Variants in NCL observed in about 807,000 individuals in gnomAD.
NCL encodes nucleolin multifunctional protein.
Under a neutral mutation model 77.7 loss-of-function variants are expected in NCL, and 4 were observed. That is an observed-to-expected ratio of 0.05 (90% confidence interval 0.03 to 0.12). The LOEUF is 0.12. NCL is among the 10% of genes least tolerant of loss of function. The pLI, the probability that NCL is intolerant of heterozygous loss-of-function variation, is 1.00. For missense variants in NCL, 763 were observed against 860.9 expected (o/e 0.89, Z 1.42); for synonymous variants, 344 against 297.8 (o/e 1.16, Z -1.60).
At position 231,463,314 on chromosome 2, in the gene NCL, T is replaced by A. The variant is rs770870458; in HGVS notation, c.21A>T (p.Ala7=). Residue 7 remains alanine, a splice_region_variant and synonymous_variant, in exon 2 of 14, where the codon GCA becomes GCT. Coordinates refer to ENST00000322723, the MANE Select transcript of NCL (RefSeq NM_005381.3). ...TCTTGGGGTCACCTTGATTTTTACC[T>A]GCCTAAAATGGACACAAATAGATCA... MVKLAK[A]GKNQGDPKKM... is the part of the protein sequence containing the mutation. 1.9e-6 allele frequency: 3 copies of A among 1,589,446 alleles called. No individual in the cohort carries two copies. Among genetic ancestry groups the A allele is most frequent in the African/African-American group, 1.3e-5 (1 of 74,272 alleles).
chr2:231,453,568 G>C lies in NCL; in HGVS notation c.*1623C>G, dbSNP rs1206705139. 1.3e-5 allele frequency: 2 copies of C among 157,126 alleles called. No individual in the cohort carries two copies. Among genetic ancestry groups the C allele is most frequent in the African/African-American group, 4.8e-5 (2 of 41,634 alleles). 9.7% of individuals were successfully genotyped at this position (157,126 alleles called of 1,614,324 possible). A position where few individuals can be genotyped will look rare whatever the true frequency, so the allele number is the denominator to read the frequency against. On this transcript the variant is annotated 3_prime_UTR_variant, in exon 14 of 14. Coordinates refer to ENST00000322723, the MANE Select transcript of NCL (RefSeq NM_005381.3). ...AACTGAGCTTTTAATTCCTTATCCA[G>C]AATACAGGCTGCAAGGCCTTCCTTT...
chr2:231,456,496 T>C (rs775883505), intron 11 of NCL, 135 bp downstream of exon 11: 2 of 1,372,840 alleles, frequency 1.5e-6, no homozygotes, highest in East Asian at 4.6e-5. Context: ...TCATCAATTA[T>C]TTCTCAGGTA....
In NCL at chr2:231,453,564, T is replaced by A. The variant is rs1259458769; in HGVS notation, c.*1627A>T. ...AATTAACTGAGCTTTTAATTCCTTA[T>A]CCAGAATACAGGCTGCAAGGCCTTC... On this transcript the variant is annotated 3_prime_UTR_variant, in exon 14 of 14. Coordinates refer to ENST00000322723, the MANE Select transcript of NCL (RefSeq NM_005381.3). 6.3e-6 allele frequency: 1 copy of A among 157,660 alleles called. No individual in the cohort carries two copies. The highest frequency in any genetic ancestry group is 2.4e-5 in the African/African-American group (1 of 41,656). 9.8% of individuals were successfully genotyped at this position (157,660 alleles called of 1,614,324 possible).
chr2:231,455,007 G>T lies in NCL; in HGVS notation c.*184C>A. 4.9e-6 allele frequency: 3 copies of T among 607,452 alleles called. No individual in the cohort carries two copies. The highest frequency in any genetic ancestry group is 4.4e-5 in the South Asian group (2 of 45,572). 37.6% of individuals were successfully genotyped at this position (607,452 alleles called of 1,614,324 possible). A position where few individuals can be genotyped will look rare whatever the true frequency, so the allele number is the denominator to read the frequency against. ...ACTCAACTCTTTAAAAAGTTTATAT[G>T]AATATCCAGTCAAAACCAACACGGT... On this transcript the variant is annotated 3_prime_UTR_variant, in exon 14 of 14. Coordinates refer to ENST00000322723, the MANE Select transcript of NCL (RefSeq NM_005381.3).
rs759914308 is a variant in NCL at position 231,458,259 on chromosome 2, A to G, written c.1289+7T>C. ...AAAACCCTTACATTTCAATAGACAG[A>G]ACATACCCTTTACTTTTCCCATCCT... On this transcript the variant is annotated splice_region_variant and intron_variant, in intron 8 of 13. Coordinates refer to ENST00000322723, the MANE Select transcript of NCL (RefSeq NM_005381.3). 13 of 1,612,694 alleles carry G rather than the reference A, an allele frequency of 8.1e-6. No homozygotes were observed. Among genetic ancestry groups the G allele is most frequent in the Non-Finnish European group, 1.1e-5 (13 of 1,179,550 alleles).
At chr2:231,455,909 T>C (rs185290422) in intron 12 of NCL, 101 bp downstream of exon 12, 63 of 1,571,994 alleles carry the variant, frequency 4.0e-5, no homozygotes, top group South Asian at 2.0e-4. Flanking sequence ...CTGCCACTGA[T>C]AGACAGAAAG....
chr2:231,459,139 A>G lies in NCL; in HGVS notation c.1041-14T>C. On this transcript the variant is annotated splice_polypyrimidine_tract_variant and intron_variant, in intron 6 of 13. Transcript: ENST00000322723. ...TAACCAAATTTCCTTCAAGGTGGAG[A>G]GGAGGGCAAAATTACAACAGGTGAA... 6.5e-7 allele frequency: 1 copy of G among 1,542,902 alleles called. No individual in the cohort carries two copies. The highest frequency in any genetic ancestry group is 1.4e-5 in the African/African-American group (1 of 71,302).
intron 5 of NCL, 60 bp downstream of exon 5, chr2:231,460,418 C>CT: frequency 1.3e-6 from 2 of 1,589,778 alleles, no homozygotes; most frequent in Non-Finnish European, 1.7e-6. Flanking sequence ...TATTAAGTCC[C>CT]TTTGTTATTC....
In NCL at chr2:231,463,145, T is replaced by A. The variant is rs75943616; in HGVS notation, c.135+55A>T. ...GCCACAGATATCCAATTTCATGTCT[T>A]AACTCTCCATTTTGTAGTTTTAACA... On this transcript the variant is annotated intron_variant, in intron 2 of 13. Transcript: ENST00000322723. The A allele has an allele frequency of 8.3e-3, 10,833 of 1,312,208 alleles. 257 individuals are homozygous for A. The highest frequency in any genetic ancestry group is 0.081 in the African/African-American group (5,484 of 67,322). 81.3% of individuals were successfully genotyped at this position (1,312,208 alleles called of 1,614,324 possible). A position where few individuals can be genotyped will look rare whatever the true frequency, so the allele number is the denominator to read the frequency against.
rs78372304 is a variant in NCL at position 231,455,570 on chromosome 2, G to A, written c.1887C>T (p.Ala629=). The A allele has an allele frequency of 8.9e-4, 1,432 of 1,614,092 alleles. 10 individuals carry two copies. In the African/African-American group the frequency reaches 0.016, roughly 18 times the overall value. Residue 629 remains alanine (A), a synonymous_variant, in exon 13 of 14, where the codon GCC becomes GCT. Transcript: ENST00000322723. The part of the protein sequence containing the change: ...SEEDAKAAKE[A]MEDGEIDGNK... ...TTCCATCAATTTCACCGTCTTCCAT[G>A]GCCTCCTTGGCAGCTTTGGCATCCT... is the stretch of plus-strand genomic sequence containing the variant.
chr2:231,456,694 T>C lies in NCL; in HGVS notation c.1642A>G (p.Ile548Val), dbSNP rs2046891861. 1.2e-6 allele frequency: 2 copies of C among 1,614,160 alleles called. No homozygotes were observed. Among genetic ancestry groups the C allele is most frequent in the Middle Eastern group, 1.6e-4 (1 of 6,062 alleles). Residue 548 changes from isoleucine to valine, a missense_variant, in exon 11 of 14, where the codon ATT becomes GTT. Physicochemically the swap from Ile to Val is conservative, Grantham distance 29. Transcript: ENST00000322723. ...EALNSCNKRE[I>V]EGRAIRLELQ... ...TCCAGCCTGATTGCTCTGCCCTCAA[T>C]TTCCCTTTTATTACAGGAATTTAAA...
At chr2:231,457,597 T>C (rs750725037) in intron 9 of NCL, 46 bp downstream of exon 9, 4 of 1,512,266 alleles carry the variant, frequency 2.6e-6, no homozygotes, top group South Asian at 1.2e-5. Context: ...CACAAAGGAG[T>C]TCCCTCCACC....
chr2:231,461,866 T>C lies in NCL; in HGVS notation c.287A>G (p.Lys96Arg). ...GKKAAATPAK[K>R]TVTPAKAVTT... ...AACTGCTTTGGCTGGTGTAACTGTC[T>C]TCTTGGCAGGTGTTGCTGCTGCCTT... is the stretch of plus-strand genomic sequence containing the variant. Residue 96 changes from lysine (K) to arginine (R), a missense_variant, in exon 3 of 14, where the codon AAG becomes AGG. Lys to Arg is a conservative substitution (Grantham distance 26, BLOSUM62 2). This residue lies in a region of NCL where 590 missense variants were observed against 570.5 expected (regional missense o/e 1.03). Transcript: ENST00000322723. 6.2e-7 allele frequency: 1 copy of C among 1,614,232 alleles called. No homozygotes were observed. Among genetic ancestry groups the C allele is most frequent in the Non-Finnish European group, 8.5e-7 (1 of 1,180,048 alleles).
chr2:231,457,893 T>C (rs1459493527), intron 8 of NCL, 93 bp from the exon 9 acceptor site: 5 of 1,157,876 alleles, frequency 4.3e-6, no homozygotes, highest in Non-Finnish European at 5.9e-6. Context: ...CAGATCTGAG[T>C]ACAATAAATG....
At chr2:231,456,229 C>T in intron 11 of NCL, 93 bp from the exon 12 acceptor site, 2 of 1,502,030 alleles carry the variant, frequency 1.3e-6, no homozygotes, top group Non-Finnish European at 1.8e-6. Flanking sequence ...GCCAAGAATA[C>T]TTGTTATAGT....
rs140908312 is a variant in NCL at position 231,460,733 on chromosome 2, G to T, written c.747C>A (p.Asp249Glu). Residue 249 changes from aspartate (D) to glutamate (E), a missense_variant, in exon 4 of 14, where the codon GAC (aspartate) becomes GAA (glutamate). Physicochemically the swap from Asp to Glu is conservative, Grantham distance 45. This residue lies in a region of NCL where 590 missense variants were observed against 570.5 expected (regional missense o/e 1.03). Transcript: ENST00000322723. ...CATCATCATCTTCATCATCTTCGTC[G>T]TCGTCGTCATCCTCGTCCTCATCAT... is the stretch of plus-strand genomic sequence containing the variant. ...EEDDEDEDDDDDEDDEDDDDE... is the reference protein window; with the variant it reads ...EEDDEDEDDDEDEDDEDDDDE... The T allele has an allele frequency of 1.2e-6, 2 of 1,609,698 alleles. No individual in the cohort carries two copies. The highest frequency in any genetic ancestry group is 1.7e-6 in the Non-Finnish European group (2 of 1,176,266).
rs199987398 is a variant in NCL, at chr2:231,460,308, C to G, written c.899-15G>C. 4.8e-5 allele frequency: 78 copies of G among 1,613,748 alleles called. No individual in the cohort carries two copies. In the South Asian group the frequency reaches 7.4e-4, roughly 15 times the overall value. The stretch of plus-strand genomic sequence containing the variant: ...CGGTTCTGTGCCTGCACAAAAAAAG[C>G]TCAACTCAGTCTACTTGTAGTGTGG... On this transcript the variant is annotated splice_polypyrimidine_tract_variant and intron_variant, in intron 5 of 13. Coordinates refer to ENST00000322723, the MANE Select transcript of NCL (RefSeq NM_005381.3).
rs755729854 is a variant in NCL at position 231,456,662 on chromosome 2, T to C, written c.1674A>G (p.Gln558=). ...IEGRAIRLEL[Q]GPRGSPNARS... ...TGGCATTAGGTGATCCCCTGGGTCC[T>C]TGCAACTCCAGCCTGATTGCTCTGC... Residue 558 remains glutamine, a synonymous_variant, in exon 11 of 14, where the codon CAA becomes CAG. Coordinates refer to ENST00000322723, the MANE Select transcript of NCL (RefSeq NM_005381.3). 11 of 1,614,202 alleles carry C rather than the reference T, an allele frequency of 6.8e-6. No individual in the cohort carries two copies. The highest frequency in any genetic ancestry group is 2.2e-5 in the East Asian group (1 of 44,886).
In NCL at chr2:231,456,642, T is replaced by C. The variant is rs889488148; in HGVS notation, c.1694A>G (p.Asn565Ser). ...LELQGPRGSP[N>S]ARSQPSKTLF... ...CCAGGTGAACTTACGGCTTCTGGCA[T>C]TAGGTGATCCCCTGGGTCCTTGCAA... The change falls in exon 11 of 14, where the codon AAT becomes AGT. Residue 565 changes from asparagine (N) to serine (S), a missense_variant. Physicochemically the swap from Asn to Ser is conservative, Grantham distance 46 (BLOSUM62 1). This residue lies in a region of NCL where 173 missense variants were observed against 290.4 expected (regional missense o/e 0.60). Transcript: ENST00000322723. The C allele has an allele frequency of 1.9e-6, 3 of 1,614,008 alleles. No individual in the cohort carries two copies. The highest frequency in any genetic ancestry group is 2.5e-6 in the Non-Finnish European group (3 of 1,180,016).
Sources: allele counts gnomAD v4.1 joint callset, GRCh38; gene constraint gnomAD v4.1.1; regional missense constraint gnomAD v4.1.1; transcripts MANE v1.5; gene names NCBI Gene and HGNC (gene_info 2026-07-23, HGNC 2026-07-21).